SCML4: variants seen among roughly 807,000 people sequenced by gnomAD.
The protein encoded by SCML4 is sex comb on midleg-like protein 4.
SCML4 carries 34 observed loss-of-function variants against 41.1 expected under a neutral mutation model. That is an observed-to-expected ratio of 0.83 (90% CI 0.63 to 1.10). The LOEUF (loss-of-function observed/expected upper bound fraction) is 1.10, where lower values mean the gene tolerates loss of function less well. Ranked by LOEUF, SCML4 falls within the 50% of genes least tolerant of loss-of-function variation. The pLI is 0.00. For missense variants in SCML4, 522 were observed against 534.1 expected (o/e 0.98, Z 0.22); for synonymous variants, 214 against 220.9 (o/e 0.97, Z 0.28).
chr6:107,728,251 G>C lies in SCML4; in HGVS notation c.683-7258C>G, dbSNP rs545316909. Among the ~76,000 whole-genome samples, 67 of 152,336 alleles carry C rather than the reference G, an allele frequency of 4.4e-4. No homozygotes were observed. The South Asian group carries it at 0.013, about 31-fold the overall frequency. On this transcript the variant is annotated intron_variant, in intron 5 of 7. Transcript: ENST00000369020. ...TTGGAAAATACAGACGCAGATGGCA[G>C]ATCATTCCCTTATCGCAAAGTGTGG...
intron 5 of SCML4, among the ~76,000 whole-genome samples, chr6:107,739,913 C>T (rs1562203571): frequency 6.6e-6 from 1 of 152,200 alleles, no homozygotes; most frequent in East Asian, 1.9e-4. Flanking sequence ...CATGCCATCG[C>T]TGCTTCCTCC....
chr6:107,778,203 AAAAAAAAAAAAAAAAAAAAATATATATAT>A lies in SCML4; in HGVS notation c.-59-5846_-59-5818del, dbSNP rs1354499145. Among the ~76,000 whole-genome samples the A allele has an allele frequency of 9.4e-4, 6 of 6,364 alleles. 1 individual carries two copies. Among genetic ancestry groups the A allele is most frequent in the African/African-American group, 1.6e-3 (6 of 3,766 alleles). The allele number at this position is 6,364 out of a possible 152,430, so 4.2% of individuals were successfully genotyped here. ...GTGAGCGAGACTCTATCTCAAAAAAAAAAAAAAAAAAAAAAAAAAATATATATATATATATATATATATATATATATATA... is the reference window on the plus strand; with the variant it reads ...GTGAGCGAGACTCTATCTCAAAAAAAATATATATATATATATATATATATA... On this transcript the variant is annotated intron_variant, in intron 1 of 7. Coordinates refer to ENST00000369020, the MANE Select transcript of SCML4 (RefSeq NM_198081.5).
chr6:107,779,286 C>A (rs1411764659), intron 1 of SCML4, among the ~76,000 whole-genome samples: 3 of 152,094 alleles, frequency 2.0e-5, no homozygotes, highest in Non-Finnish European at 2.9e-5. Flanking sequence ...GACAGGTGGT[C>A]TAACAGGTTT....
intron 1 of SCML4, among the ~76,000 whole-genome samples, chr6:107,773,895 C>T (rs1380671649): frequency 1.3e-5 from 2 of 152,182 alleles, no homozygotes; most frequent in Non-Finnish European, 2.9e-5. Context: ...CTGGCCTGGG[C>T]CTTGTCTACA....
intron 1 of SCML4, among the ~76,000 whole-genome samples, chr6:107,816,636 C>T (rs1249970477): frequency 6.6e-6 from 1 of 152,236 alleles, no homozygotes; most frequent in African/African-American, 2.4e-5. Context: ...CTGTCTGCCT[C>T]CTTCCAAGAC....
At chr6:107,777,555 C>T (rs187444531) in intron 1 of SCML4, among the ~76,000 whole-genome samples, 30 of 152,218 alleles carry the variant, frequency 2.0e-4, no homozygotes, top group Admixed American at 3.3e-4. Context: ...TTCTTGTTTT[C>T]TAACAGTTTT....
At chr6:107,823,302 C>G (rs1785081957) in intron 1 of SCML4, among the ~76,000 whole-genome samples, 1 of 152,180 alleles carries the variant, frequency 6.6e-6, no homozygotes, top group Non-Finnish European at 1.5e-5. Flanking sequence ...TCAAGCACCT[C>G]AACTCAGCAA....
In SCML4 at chr6:107,749,730, C is replaced by T; in HGVS notation, c.240G>A (p.Gln80=). ...TPEPDLSSIP[Q]DAATVPSLAA... Reference sequence around the variant, plus strand: ...CCAAGCTGGGGACCGTGGCTGCGTCCTGAGGGATGGAGCTGAGGTCGGGCT... The same window carrying T: ...CCAAGCTGGGGACCGTGGCTGCGTCTTGAGGGATGGAGCTGAGGTCGGGCT... Residue 80 remains glutamine, a synonymous_variant, in exon 3 of 8, where the codon CAG becomes CAA. Coordinates refer to ENST00000369020, the MANE Select transcript of SCML4 (RefSeq NM_198081.5). 3.7e-6 allele frequency: 6 copies of T among 1,614,084 alleles called. No individual in the cohort carries two copies. The highest frequency in any genetic ancestry group is 5.1e-6 in the Non-Finnish European group (6 of 1,180,024).
intron 4 of SCML4, chr6:107,745,993 A>AAAATAAATAAATAAAT (rs36131534): frequency 1.3e-4 from 19 of 148,820 alleles, no homozygotes; most frequent in African/African-American, 4.0e-4. Context: ...ATCCTGTCTC[A>AAAATAAATAAATAAAT]AAATAAATAA....
rs1301429872 is a variant in SCML4, at chr6:107,702,638, G to C, written c.*2562C>G. ...CTGAGTACATAACCTGCCCATGGCT[G>C]TTTTGAGGGAAATGTATCTAACTCT... On this transcript the variant is annotated 3_prime_UTR_variant, in exon 8 of 8. Transcript: ENST00000369020. Among the ~76,000 whole-genome samples, 4 of 152,200 alleles carry C rather than the reference G, an allele frequency of 2.6e-5. No individual in the cohort carries two copies. The highest frequency in any genetic ancestry group is 9.7e-5 in the African/African-American group (4 of 41,448).
chr6:107,745,002 C>A lies in SCML4; in HGVS notation c.629G>T (p.Gly210Val), dbSNP rs1777937722. 6.2e-7 allele frequency: 1 copy of A among 1,613,874 alleles called. No homozygotes were observed. Among genetic ancestry groups the A allele is most frequent in the Non-Finnish European group, 8.5e-7 (1 of 1,179,870 alleles). ...DLFSHQPFPR[G>V]CSASEKVQEK... Reference sequence around the variant, plus strand: ...CTGGACTTTCTCAGAGGCACTGCAGCCCCTGGGGAAGGGCTGGTGGCTGAA... The same window carrying A: ...CTGGACTTTCTCAGAGGCACTGCAGACCCTGGGGAAGGGCTGGTGGCTGAA... Residue 210 changes from glycine to valine, a missense_variant, in exon 5 of 8, where the codon GGC (glycine) becomes GTC (valine). Physicochemically the swap from Gly to Val is moderately radical, Grantham distance 109. Transcript: ENST00000369020.
chr6:107,754,531 G>C (rs1778947962), intron 2 of SCML4, among the ~76,000 whole-genome samples: 1 of 152,168 alleles, frequency 6.6e-6, no homozygotes, highest in South Asian at 2.1e-4. Context: ...GAGTCCCTGA[G>C]GACTTCAGGC....
rs149276702 is a variant in SCML4, at chr6:107,767,880, T to C, written c.156+4292A>G. ...AGACAGGCGTGCCCTCTGCTAGCTC[T>C]GTGTTCCCATTCTGTTGTCTAAAAC... On this transcript the variant is annotated intron_variant, in intron 2 of 7. Coordinates refer to ENST00000369020, the MANE Select transcript of SCML4 (RefSeq NM_198081.5). 2.9e-3 allele frequency among the ~76,000 whole-genome samples: 440 copies of C among 152,256 alleles called. 1 individual carries two copies. The highest frequency in any genetic ancestry group is 0.01 in the Middle Eastern group (3 of 294).
At chr6:107,751,586 C>A (rs1385470012) in intron 2 of SCML4, among the ~76,000 whole-genome samples, 32 of 117,654 alleles carry the variant, frequency 2.7e-4, no homozygotes, top group African/African-American at 1.1e-3. Flanking sequence ...TTCTTTCTTT[C>A]TTTCTTTCTT....
At chr6:107,810,442 G>A (rs897960635) in intron 1 of SCML4, among the ~76,000 whole-genome samples, 2 of 152,154 alleles carry the variant, frequency 1.3e-5, no homozygotes, top group African/African-American at 2.4e-5. Flanking sequence ...AGAGAGGGGC[G>A]TTGAGTGGGA....
At chr6:107,834,073 A>G in the SCML4 span, among the ~76,000 whole-genome samples, 41 of 152,330 alleles carry the variant, frequency 2.7e-4, no homozygotes, top group East Asian at 4.1e-3. Context: ...AGAAGCTGCA[A>G]AGTGGATGAG....
the SCML4 span, among the ~76,000 whole-genome samples, chr6:107,843,269 G>A: frequency 6.6e-6 from 1 of 152,022 alleles, no homozygotes; most frequent in Non-Finnish European, 1.5e-5. Flanking sequence ...TCAAACTGCT[G>A]AAAATAGAAG....
At chr6:107,755,763 GA>G (rs377345670) in intron 2 of SCML4, 32 of 385,044 alleles carry the variant, frequency 8.3e-5, no homozygotes, top group Non-Finnish European at 1.1e-4. Flanking sequence ...TCAATGTAAG[GA>G]AAAAAAACTC....
chr6:107,759,132 C>CAAAAA (rs60124415), intron 2 of SCML4, among the ~76,000 whole-genome samples: 46 of 88,210 alleles, frequency 5.2e-4, no homozygotes, highest in African/African-American at 7.2e-4. Flanking sequence ...ACAAAAAATA[C>CAAAAA]AAAAAAAAAA....
Sources: gnomAD v4.1 joint callset for allele counts (sites outside exome capture counted in the v4.1 genomes callset) on GRCh38, gnomAD v4.1.1 for gene constraint, MANE v1.5 for transcripts, NCBI Gene and HGNC (gene_info 2026-07-23, HGNC 2026-07-21) for gene names.